The following ETV6 variants were observed in gnomAD, a reference collection of about 807,000 sequenced individuals.
ETV6 encodes ETS variant transcription factor 6, also known as transcription factor ETV6.
A neutral mutation model predicts 51.1 loss-of-function variants in ETV6; 16 were observed. The observed-to-expected ratio is 0.31, with a 90% confidence interval of 0.21 to 0.48. The LOEUF is 0.48. ETV6 is among the 20% of genes least tolerant of loss of function. The pLI is 0.99. For synonymous variants in ETV6, 240 were observed against 224.1 expected, an observed-to-expected ratio of 1.07 and a Z score of -0.64; for missense variants, 458 against 594.8, an observed-to-expected ratio of 0.77 and a Z score of 2.39.
At chr12:11,807,333 T>C (rs1440020287) in intron 2 of ETV6, among the ~76,000 whole-genome samples, 1 of 152,236 alleles carries the variant, frequency 6.6e-6, no homozygotes, top group Non-Finnish European at 1.5e-5. Flanking sequence ...TCACTTTTTA[T>C]TTAACACATG....
At chr12:11,881,300 G>A (rs1258492141) in intron 5 of ETV6, among the ~76,000 whole-genome samples, 1 of 152,182 alleles carries the variant, frequency 6.6e-6, no homozygotes, top group Non-Finnish European at 1.5e-5. Context: ...TTTTCCAGTT[G>A]GAAGAGATTA....
At chr12:11,810,490 G>A (rs1205236554) in intron 2 of ETV6, among the ~76,000 whole-genome samples, 1 of 152,206 alleles carries the variant, frequency 6.6e-6, no homozygotes, top group Non-Finnish European at 1.5e-5. Flanking sequence ...GCATCTGTGT[G>A]CCATGATCCA....
At chr12:11,782,882 T>C (rs761018104) in intron 2 of ETV6, among the ~76,000 whole-genome samples, 1 of 152,176 alleles carries the variant, frequency 6.6e-6, no homozygotes, top group Admixed American at 6.5e-5. Flanking sequence ...TAAGTATACA[T>C]CTATTGACTG....
In ETV6 at chr12:11,778,756, T is replaced by C. The variant is rs187551085; in HGVS notation, c.163+26177T>C. ...ATTAGTCCAGTTATGTACACTGGGC[T>C]TGTATTGCATGGTTTATATAAAAGC... On this transcript the variant is annotated intron_variant, in intron 2 of 7. Transcript: ENST00000396373. 5.9e-5 allele frequency among the ~76,000 whole-genome samples: 9 copies of C among 152,326 alleles called. No homozygotes were observed. In the East Asian group the frequency reaches 1.7e-3, roughly 29 times the overall value.
intron 2 of ETV6, among the ~76,000 whole-genome samples, chr12:11,773,945 C>T (rs1945279519): frequency 6.6e-6 from 1 of 152,174 alleles, no homozygotes; most frequent in Non-Finnish European, 1.5e-5. Context: ...GGCATCTGCC[C>T]TCCTCCGTCT....
chr12:11,730,931 G>A (rs554478725), intron 1 of ETV6, among the ~76,000 whole-genome samples: 27 of 152,096 alleles, frequency 1.8e-4, no homozygotes, highest in Non-Finnish European at 3.5e-4. Context: ...GTGAGTAGAG[G>A]CCCAGTGACA....
At chr12:11,693,017 G>A (rs1173208414) in intron 1 of ETV6, among the ~76,000 whole-genome samples, 1 of 152,168 alleles carries the variant, frequency 6.6e-6, no homozygotes, top group Non-Finnish European at 1.5e-5. Flanking sequence ...TCTAGCCTGG[G>A]CGACAGGATG....
chr12:11,891,434 G>T lies in ETV6; in HGVS notation c.*388G>T, dbSNP rs1262478797. On this transcript the variant is annotated 3_prime_UTR_variant, in exon 8 of 8. Transcript: ENST00000396373. ...CATCTAGGGGAAGACATCTGATGTT[G>T]TTTTCCTATGGAAATATATATCTAT... is the stretch of plus-strand genomic sequence containing the variant. 5 of 369,650 alleles carry T rather than the reference G, an allele frequency of 1.4e-5. No individual in the cohort carries two copies. The highest frequency in any genetic ancestry group is 2.5e-5 in the Non-Finnish European group (5 of 198,770). 22.9% of individuals were successfully genotyped at this position (369,650 alleles called of 1,614,324 possible).
intron 1 of ETV6, among the ~76,000 whole-genome samples, chr12:11,678,298 C>G (rs1864459394): frequency 6.6e-6 from 1 of 152,204 alleles, no homozygotes. Context: ...TGCTGATCAA[C>G]TGCCCGAGGT....
intron 4 of ETV6, among the ~76,000 whole-genome samples, chr12:11,855,814 A>G (rs1010075549): frequency 2.0e-5 from 3 of 151,682 alleles, no homozygotes; most frequent in East Asian, 1.9e-4. Flanking sequence ...TCCTCCCCCA[A>G]TTCAGTTATT....
At chr12:11,737,162 A>C (rs781686498) in intron 1 of ETV6, among the ~76,000 whole-genome samples, 8 of 152,186 alleles carry the variant, frequency 5.3e-5, no homozygotes, top group Non-Finnish European at 8.8e-5. Context: ...GGGATTGTGA[A>C]GAACAAGACC....
intron 2 of ETV6, among the ~76,000 whole-genome samples, chr12:11,801,925 C>T (rs1466659855): frequency 6.6e-6 from 1 of 152,214 alleles, no homozygotes; most frequent in African/African-American, 2.4e-5. Context: ...GCCATCCAGC[C>T]CTCAACCCCT....
At chr12:11,796,322 A>G (rs1317168563) in intron 2 of ETV6, among the ~76,000 whole-genome samples, 2 of 152,230 alleles carry the variant, frequency 1.3e-5, no homozygotes, top group African/African-American at 2.4e-5. Flanking sequence ...TCCTCGGCCA[A>G]GATTCGTATT....
At chr12:11,859,590 A>T (rs1053748303) in intron 4 of ETV6, among the ~76,000 whole-genome samples, 1 of 152,194 alleles carries the variant, frequency 6.6e-6, no homozygotes, top group African/African-American at 2.4e-5. Flanking sequence ...CACTTTATAG[A>T]TGAAGAAATA....
intron 2 of ETV6, among the ~76,000 whole-genome samples, chr12:11,771,118 A>G (rs1247783284): frequency 6.6e-6 from 1 of 152,244 alleles, no homozygotes; most frequent in Non-Finnish European, 1.5e-5. Flanking sequence ...AGGTATTAAC[A>G]TTGAGCAGTG....
At chr12:11,860,152 C>G (rs940802045) in intron 4 of ETV6, among the ~76,000 whole-genome samples, 1 of 152,182 alleles carries the variant, frequency 6.6e-6, no homozygotes, top group African/African-American at 2.4e-5. Context: ...GCTGGCCCCT[C>G]TCTACAGCGG....
chr12:11,739,446 C>A (rs912473882), intron 1 of ETV6, among the ~76,000 whole-genome samples: 17 of 152,130 alleles, frequency 1.1e-4, no homozygotes, highest in African/African-American at 4.1e-4. Context: ...AGATGGGATT[C>A]TTAATTTATT....
At chr12:11,784,618 T>A (rs1376090617) in intron 2 of ETV6, among the ~76,000 whole-genome samples, 1 of 152,040 alleles carries the variant, frequency 6.6e-6, no homozygotes, top group Non-Finnish European at 1.5e-5. Context: ...GTGTCTAAAG[T>A]GATTGGCAAG....
intron 3 of ETV6, among the ~76,000 whole-genome samples, chr12:11,842,321 A>G (rs1946403968): frequency 1.3e-5 from 2 of 151,150 alleles, no homozygotes; most frequent in Non-Finnish European, 2.9e-5. Flanking sequence ...CCTTTCTCCC[A>G]TCTTGTTCTA....
Sources: allele counts gnomAD v4.1 joint callset (sites outside exome capture counted in the v4.1 genomes callset), GRCh38; gene constraint gnomAD v4.1.1; transcripts MANE v1.5; gene names NCBI Gene and HGNC (gene_info 2026-07-23, HGNC 2026-07-21).